The following NEDD4L variants were observed in gnomAD, a reference collection of about 807,000 sequenced individuals.
NEDD4L encodes the protein NEDD4 like E3 ubiquitin protein ligase, also known as E3 ubiquitin-protein ligase NEDD4-like.
In NEDD4L, 54 loss-of-function variants were observed where a neutral mutation model predicts 148.9. The ratio of observed to expected loss-of-function variants is 0.36; its 90% CI spans 0.29 to 0.45. The LOEUF is 0.45. NEDD4L is among the 20% of genes least tolerant of loss of function. NEDD4L has a pLI of 1.00. For missense variants in NEDD4L, 856 were observed against 1,233.8 expected (o/e 0.69, Z 4.59); for synonymous variants, 433 against 440.7 (o/e 0.98, Z 0.22).
chr18:58,277,467 T>C (rs926229635), intron 5 of NEDD4L, among the ~76,000 whole-genome samples: 28 of 152,078 alleles, frequency 1.8e-4, no homozygotes, highest in Non-Finnish European at 3.5e-4. Flanking sequence ...CCAGGCATCT[T>C]GTGCATGTGG....
intron 1 of NEDD4L, among the ~76,000 whole-genome samples, chr18:58,057,782 T>G (rs2082154670): frequency 6.6e-6 from 1 of 152,100 alleles, no homozygotes; most frequent in Non-Finnish European, 1.5e-5. Context: ...TAACAGTAAG[T>G]CCCACAGCCC....
intron 5 of NEDD4L, among the ~76,000 whole-genome samples, chr18:58,252,397 T>C (rs1202621294): frequency 6.6e-6 from 1 of 152,206 alleles, no homozygotes; most frequent in Non-Finnish European, 1.5e-5. Flanking sequence ...AAACAAACTT[T>C]GCTCGGTTTT....
chr18:58,113,809 G>C (rs904792394), intron 1 of NEDD4L, among the ~76,000 whole-genome samples: 6 of 152,206 alleles, frequency 3.9e-5, no homozygotes, highest in South Asian at 2.1e-4. Context: ...TGTGGCAGAT[G>C]GATTGGGATT....
chr18:58,090,190 C>T (rs1262079560), intron 1 of NEDD4L, among the ~76,000 whole-genome samples: 2 of 152,166 alleles, frequency 1.3e-5, no homozygotes, highest in Non-Finnish European at 2.9e-5. Context: ...TAGTTAGCCT[C>T]ACCTTCATTC....
chr18:58,077,896 G>T (rs1479744717), intron 1 of NEDD4L, among the ~76,000 whole-genome samples: 2 of 152,110 alleles, frequency 1.3e-5, no homozygotes, highest in Non-Finnish European at 2.9e-5. Flanking sequence ...TCACACCAGG[G>T]GGCATCTAGT....
At chr18:58,136,777 A>T (rs931184375) in intron 1 of NEDD4L, among the ~76,000 whole-genome samples, 3 of 151,988 alleles carry the variant, frequency 2.0e-5, no homozygotes, top group Non-Finnish European at 4.4e-5. Flanking sequence ...TCTTTTGGGT[A>T]CTCTTTTTTT....
At chr18:58,269,545 A>G (rs1327951218) in intron 5 of NEDD4L, among the ~76,000 whole-genome samples, 1 of 152,094 alleles carries the variant, frequency 6.6e-6, no homozygotes, top group East Asian at 1.9e-4. Context: ...TGCAGACTGG[A>G]TAAAAAGAAT....
At chr18:58,216,316 A>G (rs1404051286) in intron 2 of NEDD4L, among the ~76,000 whole-genome samples, 2 of 152,198 alleles carry the variant, frequency 1.3e-5, no homozygotes, top group Non-Finnish European at 2.9e-5. Context: ...TAAAGGAGCC[A>G]TGGTTCTTTA....
intron 1 of NEDD4L, among the ~76,000 whole-genome samples, chr18:58,052,038 G>T (rs890448300): frequency 2.0e-5 from 3 of 152,134 alleles, no homozygotes; most frequent in Admixed American, 2.0e-4. Context: ...CTGGAATATG[G>T]AAATGATAGC....
chr18:58,053,065 CTG>C (rs2081947694), intron 1 of NEDD4L, among the ~76,000 whole-genome samples: 1 of 152,240 alleles, frequency 6.6e-6, no homozygotes, highest in African/African-American at 2.4e-5. Flanking sequence ...ACCAAGGGAA[CTG>C]TCCTCTTGCT....
At chr18:58,186,777 C>T (rs1456956127) in intron 2 of NEDD4L, among the ~76,000 whole-genome samples, 1 of 152,220 alleles carries the variant, frequency 6.6e-6, no homozygotes, top group Non-Finnish European at 1.5e-5. Context: ...TTCTCATGCT[C>T]ACTGCACGCC....
chr18:58,284,842 A>G (rs1020621353), intron 5 of NEDD4L, among the ~76,000 whole-genome samples: 1 of 152,182 alleles, frequency 6.6e-6, no homozygotes, highest in Non-Finnish European at 1.5e-5. Context: ...CATTAACCCC[A>G]CAGGGCTATG....
chr18:58,103,196 A>G (rs1473443898), intron 1 of NEDD4L, among the ~76,000 whole-genome samples: 1 of 149,270 alleles, frequency 6.7e-6, no homozygotes, highest in Non-Finnish European at 1.5e-5. Flanking sequence ...TATTTGCTAT[A>G]TATAGTAATG....
chr18:58,069,704 A>T (rs1049172192), intron 1 of NEDD4L, among the ~76,000 whole-genome samples: 1 of 152,244 alleles, frequency 6.6e-6, no homozygotes, highest in African/African-American at 2.4e-5. Flanking sequence ...GGAATGCTGG[A>T]TAGTGGATTA....
chr18:58,315,915 AT>A, intron 5 of NEDD4L, 66 bp from the exon 6 acceptor site: 1 of 1,366,710 alleles, frequency 7.3e-7, no homozygotes, highest in South Asian at 1.2e-5. Flanking sequence ...ATGATAAAAC[AT>A]TTTTAGGAAA....
intron 5 of NEDD4L, among the ~76,000 whole-genome samples, chr18:58,313,877 C>T (rs889287782): frequency 6.6e-6 from 1 of 152,208 alleles, no homozygotes; most frequent in Non-Finnish European, 1.5e-5. Flanking sequence ...TTGAAGTGCA[C>T]TTAGGTTAAT....
Position 58,343,080 on chromosome 18 carries a change from C to G in NEDD4L, c.1552C>G (p.His518Asp). 6.2e-7 allele frequency: 1 copy of G among 1,609,988 alleles called. No individual in the cohort carries two copies. Among genetic ancestry groups the G allele is most frequent in the South Asian group, 1.1e-5 (1 of 90,148 alleles). The change falls in exon 16 of 31, where the codon CAT (histidine) becomes GAT (aspartate). Residue 518 changes from histidine to aspartate, a missense_variant. Physicochemically the swap from His to Asp is moderately conservative, Grantham distance 81 (BLOSUM62 -1). Transcript: ENST00000400345. ...APNGRPFFID[H>D]NTKTTTWEDP... Reference sequence around the variant, plus strand: ...AAACGGCCGGCCCTTCTTCATTGATCATAACACAAAGACTACAACCTGGGT... The same window carrying G: ...AAACGGCCGGCCCTTCTTCATTGATGATAACACAAAGACTACAACCTGGGT...
At chr18:58,255,995 T>A (rs2148569900) in intron 5 of NEDD4L, 1 of 1,230,448 alleles carries the variant, frequency 8.1e-7, no homozygotes, top group Non-Finnish European at 1.0e-6. Flanking sequence ...TGGGCCTCCA[T>A]GCGCAACGCC....
chr18:58,316,958 T>C (rs2058338510), intron 6 of NEDD4L, among the ~76,000 whole-genome samples: 1 of 36,580 alleles, frequency 2.7e-5, no homozygotes, highest in Admixed American at 2.5e-4. Context: ...TTTACTTTAT[T>C]TACTTTATTT....
Sources: gnomAD v4.1 joint callset for allele counts (sites outside exome capture counted in the v4.1 genomes callset) on GRCh38, gnomAD v4.1.1 for gene constraint, MANE v1.5 for transcripts, NCBI Gene and HGNC (gene_info 2026-07-23, HGNC 2026-07-21) for gene names.